Variants in GFOD1 observed in about 807,000 individuals in gnomAD.
The protein encoded by GFOD1 is Gfo/Idh/MocA-like oxidoreductase domain containing 1, also known as glucose-fructose oxidoreductase domain-containing protein 1.
GFOD1 carries 9 observed loss-of-function variants against 25.4 expected under a neutral mutation model. That is an observed-to-expected ratio of 0.35 (90% CI 0.21 to 0.62). The LOEUF is 0.62. GFOD1 is among the 20% of genes least tolerant of loss of function. The pLI is 0.72. For missense variants in GFOD1, 403 were observed against 556.9 expected (o/e 0.72, Z 2.78); for synonymous variants, 253 against 245.6 (o/e 1.03, Z -0.28).
intron 1 of GFOD1, among the ~76,000 whole-genome samples, chr6:13,468,876 G>A (rs1234398283): frequency 3.9e-5 from 6 of 151,954 alleles, no homozygotes; most frequent in Admixed American, 3.9e-4. Flanking sequence ...AGCCCATTAT[G>A]GAACCAAATG....
chr6:13,391,484 C>T (rs1300326970), intron 1 of GFOD1, among the ~76,000 whole-genome samples: 13 of 120,644 alleles, frequency 1.1e-4, no homozygotes, highest in African/African-American at 3.2e-4. Flanking sequence ...GGCGACAGAG[C>T]GAGACTCCAT....
At chr6:13,388,967 A>G (rs1255982707) in intron 1 of GFOD1, among the ~76,000 whole-genome samples, 1 of 152,246 alleles carries the variant, frequency 6.6e-6, no homozygotes, top group Non-Finnish European at 1.5e-5. Context: ...ATGAACAGAC[A>G]CTTCTCAAAA....
chr6:13,430,745 C>G lies in GFOD1; in HGVS notation c.253+55893G>C, dbSNP rs1751236055. ...AGCCTCCAGACAGTGGAAACCAGGG[C>G]TATCTGTGGGTCTTGGGTGGTCTGC... On this transcript the variant is annotated intron_variant, in intron 1 of 1. Coordinates refer to ENST00000379287, the MANE Select transcript of GFOD1 (RefSeq NM_018988.4). The surrounding 1 kb of genome is among the most constrained non-coding windows in gnomAD (Gnocchi z 4.1). 1.3e-5 allele frequency among the ~76,000 whole-genome samples: 2 copies of G among 152,068 alleles called. No individual in the cohort carries two copies. Among genetic ancestry groups the G allele is most frequent in the African/African-American group, 4.8e-5 (2 of 41,404 alleles).
chr6:13,447,300 C>G (rs1758018341), intron 1 of GFOD1, among the ~76,000 whole-genome samples: 3 of 152,208 alleles, frequency 2.0e-5, no homozygotes, highest in Admixed American at 2.0e-4. Flanking sequence ...CTGGTAGATG[C>G]ATCAGCCTGC....
chr6:13,432,451 T>G (rs1028617366), intron 1 of GFOD1, among the ~76,000 whole-genome samples: 1 of 151,978 alleles, frequency 6.6e-6, no homozygotes, highest in African/African-American at 2.4e-5. Flanking sequence ...CATGCGATCT[T>G]CCCACCTTGG....
chr6:13,474,223 T>C (rs1758568228), intron 1 of GFOD1, among the ~76,000 whole-genome samples: 1 of 151,924 alleles, frequency 6.6e-6, no homozygotes, highest in Non-Finnish European at 1.5e-5. Flanking sequence ...CTACTAAAAA[T>C]ACAAAATTAG....
chr6:13,376,976 G>T (rs1331017679), intron 1 of GFOD1, among the ~76,000 whole-genome samples: 1 of 151,384 alleles, frequency 6.6e-6, no homozygotes, highest in African/African-American at 2.4e-5. Flanking sequence ...GGTGGGTTGT[G>T]CTTTAGTGAA....
At position 13,467,976 on chromosome 6, in the gene GFOD1, G is replaced by A. The variant is rs534281576; in HGVS notation, c.253+18662C>T. On this transcript the variant is annotated intron_variant, in intron 1 of 1. Transcript: ENST00000379287. Reference sequence around the variant, plus strand: ...CCTGCAGCTGGGAACAGCCAGTCCAGAGCCAAAGGATCACAGAATATAAGA... The same window carrying A: ...CCTGCAGCTGGGAACAGCCAGTCCAAAGCCAAAGGATCACAGAATATAAGA... 2.6e-5 allele frequency among the ~76,000 whole-genome samples: 4 copies of A among 152,322 alleles called. No homozygotes were observed. In the East Asian group the frequency reaches 7.7e-4, roughly 29 times the overall value.
At chr6:13,378,631 G>A (rs1785301034) in intron 1 of GFOD1, among the ~76,000 whole-genome samples, 1 of 152,162 alleles carries the variant, frequency 6.6e-6, no homozygotes, top group Non-Finnish European at 1.5e-5. Flanking sequence ...GCTGAATAAA[G>A]GAAGTCCTCC....
At chr6:13,468,313 T>C (rs963865482) in intron 1 of GFOD1, among the ~76,000 whole-genome samples, 3 of 152,192 alleles carry the variant, frequency 2.0e-5, no homozygotes, top group African/African-American at 7.2e-5. Flanking sequence ...TTGCTAGTCT[T>C]CCTACACATA....
intron 1 of GFOD1, chr6:13,469,441 C>T: frequency 2.0e-6 from 2 of 987,078 alleles, no homozygotes; most frequent in Non-Finnish European, 2.4e-6. Flanking sequence ...TTAGATGATG[C>T]AAGTTCCAGT....
chr6:13,436,971 G>T (rs937432367), intron 1 of GFOD1, among the ~76,000 whole-genome samples: 13 of 152,198 alleles, frequency 8.5e-5, no homozygotes, highest in African/African-American at 3.1e-4. Flanking sequence ...CCAAGCTGCT[G>T]GTCCAACGGC....
At chr6:13,385,917 A>G (rs966694902) in intron 1 of GFOD1, among the ~76,000 whole-genome samples, 7 of 152,154 alleles carry the variant, frequency 4.6e-5, no homozygotes, top group African/African-American at 1.7e-4. Flanking sequence ...CTCAGCACAG[A>G]AAAAGTACTC....
rs904315715 is a variant in GFOD1, at chr6:13,469,232, A to C, written c.253+17406T>G. The C allele has an allele frequency of 9.1e-6, 9 of 985,248 alleles. No individual in the cohort carries two copies. The African/African-American group carries it at 1.6e-4, about 17-fold the overall frequency. 61.0% of individuals were successfully genotyped at this position (985,248 alleles called of 1,614,324 possible). On this transcript the variant is annotated intron_variant, in intron 1 of 1. Coordinates refer to ENST00000379287, the MANE Select transcript of GFOD1 (RefSeq NM_018988.4). ...AACAGCACCACACTCAGCCTGGAGC[A>C]CACCAGAACAGATGGAGGAATACAT...
Position 13,358,847 on chromosome 6 carries a change from T to G in GFOD1, c.*5896A>C, listed in dbSNP as rs900250828. The G allele has an allele frequency of 2.6e-5, 4 of 152,286 alleles. No individual in the cohort carries two copies. The highest frequency in any genetic ancestry group is 9.6e-5 in the African/African-American group (4 of 41,468). 9.4% of individuals were successfully genotyped at this position (152,286 alleles called of 1,614,324 possible). ...AAGCCATTGCATATAATATGTTCTT[T>G]TCATGACTCTATTCACTGCTGGTGT... On this transcript the variant is annotated 3_prime_UTR_variant, in exon 2 of 2. Coordinates refer to ENST00000379287, the MANE Select transcript of GFOD1 (RefSeq NM_018988.4).
At chr6:13,374,309 G>GTGTGTGTGT (rs1204000431) in intron 1 of GFOD1, among the ~76,000 whole-genome samples, 3 of 137,458 alleles carry the variant, frequency 2.2e-5, no homozygotes, top group Admixed American at 7.2e-5. Flanking sequence ...GTGTGTGTTT[G>GTGTGTGTGT]TTTTTTTTTT....
intron 1 of GFOD1, among the ~76,000 whole-genome samples, chr6:13,477,531 G>T (rs1055451142): frequency 6.6e-6 from 1 of 151,916 alleles, no homozygotes; most frequent in African/African-American, 2.4e-5. Flanking sequence ...TACCCAGGAG[G>T]CTCTTGGTAA....
At position 13,447,379 on chromosome 6, in the gene GFOD1, C is replaced by T. The variant is rs148820055; in HGVS notation, c.253+39259G>A. 1.7e-3 allele frequency among the ~76,000 whole-genome samples: 252 copies of T among 152,256 alleles called. 1 individual carries two copies. Among genetic ancestry groups the T allele is most frequent in the African/African-American group, 5.6e-3 (233 of 41,542 alleles). ...CCCCCCTTTTTATAAGAACATCCGACATGGTGTATCAGGGCCCATCCTAGT... is the reference window on the plus strand; with the variant it reads ...CCCCCCTTTTTATAAGAACATCCGATATGGTGTATCAGGGCCCATCCTAGT... On this transcript the variant is annotated intron_variant, in intron 1 of 1. Transcript: ENST00000379287.
intron 1 of GFOD1, among the ~76,000 whole-genome samples, chr6:13,457,225 T>C (rs1455109559): frequency 6.6e-6 from 1 of 152,192 alleles, no homozygotes; most frequent in Non-Finnish European, 1.5e-5. Context: ...GCCAGGAATT[T>C]GAGAGGTGAC....
Sources: allele counts gnomAD v4.1 joint callset (sites outside exome capture counted in the v4.1 genomes callset), GRCh38; gene constraint gnomAD v4.1.1; non-coding constraint Gnocchi (gnomAD v3.1); transcripts MANE v1.5; gene names NCBI Gene and HGNC (gene_info 2026-07-23, HGNC 2026-07-21).